The following TLK1 variants were observed in gnomAD, a reference collection of about 807,000 sequenced individuals.
The protein encoded by TLK1 is serine/threonine-protein kinase tousled-like 1.
In TLK1, 24 loss-of-function variants were observed where a neutral mutation model predicts 105.3. The ratio of observed to expected loss-of-function variants is 0.23; its 90% CI spans 0.17 to 0.32. The LOEUF is 0.32. TLK1 is among the 10% of genes least tolerant of loss of function. TLK1 has a pLI of 1.00. For missense variants in TLK1, 558 were observed against 910.5 expected (o/e 0.61, Z 4.98); for synonymous variants, 321 against 310.4 (o/e 1.03, Z -0.36).
intron 8 of TLK1, among the ~76,000 whole-genome samples, chr2:171,050,495 C>A (rs1016621940): frequency 5.9e-5 from 9 of 152,112 alleles, no homozygotes; most frequent in African/African-American, 2.2e-4. Flanking sequence ...ACACAATCTA[C>A]CTCACTTTGT....
intron 1 of TLK1, among the ~76,000 whole-genome samples, chr2:171,185,137 C>T (rs1033625443): frequency 1.3e-5 from 2 of 152,176 alleles, no homozygotes; most frequent in Non-Finnish European, 2.9e-5. Context: ...CCGAGCCCGG[C>T]CTATAACTAT....
In TLK1 at chr2:170,994,295, T is replaced by C. The variant is rs561271851; in HGVS notation, c.2125-339A>G. 2.0e-5 allele frequency among the ~76,000 whole-genome samples: 3 copies of C among 152,336 alleles called. No homozygotes were observed. In the East Asian group the frequency reaches 5.8e-4, roughly 29 times the overall value. On this transcript the variant is annotated intron_variant, in intron 20 of 20. Coordinates refer to ENST00000431350, the MANE Select transcript of TLK1 (RefSeq NM_012290.5). ...TCCTCCCACCCTCATCCCATTTTGT[T>C]ATCACTTCAGTTTAGCAAAGGGTAA...
At chr2:171,165,883 C>G (rs1251400137), upstream of TLK1, among the ~76,000 whole-genome samples, 1 of 152,098 alleles carries the variant, frequency 6.6e-6, no homozygotes, top group Non-Finnish European at 1.5e-5. Flanking sequence ...TGCACTCCAG[C>G]CTGGGCAACA....
At chr2:171,224,805 A>G (rs1372164710) in intron 1 of TLK1, among the ~76,000 whole-genome samples, 1 of 152,238 alleles carries the variant, frequency 6.6e-6, no homozygotes, top group African/African-American at 2.4e-5. Context: ...TTCAAAACTC[A>G]CTATAAAGCT....
At chr2:170,994,973 G>A (rs937578364) in intron 20 of TLK1, among the ~76,000 whole-genome samples, 9 of 151,872 alleles carry the variant, frequency 5.9e-5, no homozygotes, top group Non-Finnish European at 1.3e-4. Flanking sequence ...ACATTAAAAG[G>A]TAACTATTTT....
chr2:171,071,445 G>T (rs1040720412), intron 3 of TLK1, among the ~76,000 whole-genome samples: 1 of 152,028 alleles, frequency 6.6e-6, no homozygotes, highest in Non-Finnish European at 1.5e-5. Context: ...CTGCCACCAT[G>T]TCCAGCTAAT....
chr2:171,164,368 C>T (rs538510599), upstream of TLK1, among the ~76,000 whole-genome samples: 15 of 152,218 alleles, frequency 9.9e-5, no homozygotes, highest in African/African-American at 3.6e-4. Context: ...TGGATATGAT[C>T]TGGATTTATT....
At chr2:171,227,459 A>G (rs1693918630) in intron 1 of TLK1, among the ~76,000 whole-genome samples, 1 of 152,098 alleles carries the variant, frequency 6.6e-6, no homozygotes, top group Non-Finnish European at 1.5e-5. Context: ...AAGCATGACC[A>G]AAAGCTTTCT....
At chr2:171,117,938 ATTAGT>A (rs1690503200) in intron 1 of TLK1, 81 bp from the exon 2 acceptor site, 4 of 908,248 alleles carry the variant, frequency 4.4e-6, no homozygotes, top group Non-Finnish European at 3.1e-6. Flanking sequence ...TATATATGTG[ATTAGT>A]TAAGATGTTA....
chr2:171,083,811 T>C (rs1297116219), intron 2 of TLK1, among the ~76,000 whole-genome samples: 3 of 152,194 alleles, frequency 2.0e-5, no homozygotes, highest in Admixed American at 6.6e-5. Flanking sequence ...TAAAAGCTGC[T>C]GTCAACAAAG....
chr2:171,084,290 C>T lies in TLK1; in HGVS notation c.259-1438G>A, dbSNP rs1050258584. On this transcript the variant is annotated intron_variant, in intron 2 of 20. Transcript: ENST00000431350. ...TTAGTGACTAAGTGGGAGGAGTCCA[C>T]GGTTACATTTAAAAAGTGAGAGCAG... Among the ~76,000 whole-genome samples, 36 of 152,118 alleles carry T rather than the reference C, an allele frequency of 2.4e-4. 2 individuals are homozygous for T. Among genetic ancestry groups the T allele is most frequent in the Admixed American group, 2.3e-3 (35 of 15,264 alleles).
intron 1 of TLK1, among the ~76,000 whole-genome samples, chr2:171,173,177 G>T (rs1461186493): frequency 6.6e-6 from 1 of 152,202 alleles, no homozygotes; most frequent in Non-Finnish European, 1.5e-5. Flanking sequence ...TTGGTATGAT[G>T]TAGGGTGAAA....
At chr2:171,105,503 T>C (rs190030950) in intron 2 of TLK1, among the ~76,000 whole-genome samples, 2 of 152,044 alleles carry the variant, frequency 1.3e-5, no homozygotes, top group Non-Finnish European at 2.9e-5. Context: ...CTGGCCAACA[T>C]GGTGAAACGC....
chr2:171,184,853 G>GTTTT (rs58570479), intron 1 of TLK1, among the ~76,000 whole-genome samples: 27,035 of 145,340 alleles, frequency 0.19, 2,858 homozygotes, highest in East Asian at 0.4. Flanking sequence ...TTGTTTGTTT[G>GTTTT]TTTGAGATGG....
chr2:171,123,053 TAAATACACACACACACAC>T (rs1260677330), intron 1 of TLK1, among the ~76,000 whole-genome samples: 1 of 91,432 alleles, frequency 1.1e-5, no homozygotes, highest in Non-Finnish European at 2.0e-5. Context: ...AATAAATAAA[TAAATACACACACACACAC>T]ACACACACAC....
chr2:171,078,885 T>C (rs1688628389), intron 3 of TLK1, among the ~76,000 whole-genome samples: 2 of 152,338 alleles, frequency 1.3e-5, no homozygotes, highest in East Asian at 3.9e-4. Context: ...CTACATTCCA[T>C]CTGTGGGAGC....
Position 171,160,680 on chromosome 2 carries a change from AGAG to A in TLK1, c.-255_-253del, listed in dbSNP as rs1321205979. 2.0e-5 allele frequency: 11 copies of A among 550,800 alleles called. No homozygotes were observed. Among genetic ancestry groups the A allele is most frequent in the African/African-American group, 4.0e-5 (2 of 49,576 alleles). The allele number at this position is 550,800 out of a possible 1,614,324, so 34.1% of individuals were successfully genotyped here. ...AGGGAGCGAGCGGGCGCGCCAGAGG[AGAG>A]GAGGAGGAAAGGAGCGCGGCGGCGG... On this transcript the variant is annotated 5_prime_UTR_variant, in exon 1 of 21. Transcript: ENST00000431350. This position sits in a 1 kb window ranked among gnomAD's most constrained non-coding sequence, Gnocchi z 4.4.
In TLK1 at chr2:170,993,410, A is replaced by C. The variant is rs1157116399; in HGVS notation, c.*370T>G. ...TTTAAATAATGAAAAACTACCCTTCATATTAGAACTCTCTAGTAACAACCA... is the reference window on the plus strand; with the variant it reads ...TTTAAATAATGAAAAACTACCCTTCCTATTAGAACTCTCTAGTAACAACCA... On this transcript the variant is annotated 3_prime_UTR_variant, in exon 21 of 21. Coordinates refer to ENST00000431350, the MANE Select transcript of TLK1 (RefSeq NM_012290.5). 1.8e-5 allele frequency: 3 copies of C among 163,728 alleles called. No individual in the cohort carries two copies. 10.1% of individuals were successfully genotyped at this position (163,728 alleles called of 1,614,324 possible). A position where few individuals can be genotyped will look rare whatever the true frequency, so the allele number is the denominator to read the frequency against.
At chr2:171,230,384 A>G (rs772199573) in intron 1 of TLK1, among the ~76,000 whole-genome samples, 8 of 152,172 alleles carry the variant, frequency 5.3e-5, no homozygotes, top group Non-Finnish European at 1.0e-4. Context: ...GAGTCATAAG[A>G]CTTTTAAGAC....
Sources: allele counts gnomAD v4.1 joint callset (sites outside exome capture counted in the v4.1 genomes callset), GRCh38; gene constraint gnomAD v4.1.1; non-coding constraint Gnocchi (gnomAD v3.1); transcripts MANE v1.5; gene names NCBI Gene and HGNC (gene_info 2026-07-23, HGNC 2026-07-21).